Variants in PPP1R16B observed in about 807,000 individuals in gnomAD.
PPP1R16B encodes protein phosphatase 1 regulatory subunit 16B, also known as protein phosphatase 1 regulatory inhibitor subunit 16B.
Under a neutral mutation model 61.7 loss-of-function variants are expected in PPP1R16B, and 14 were observed. That is an observed-to-expected ratio of 0.23 (90% CI 0.15 to 0.35). The LOEUF (loss-of-function observed/expected upper bound fraction) is 0.35, where lower values mean the gene tolerates loss of function less well. PPP1R16B is among the 10% of genes least tolerant of loss of function. The pLI, the probability that PPP1R16B is intolerant of heterozygous loss-of-function variation, is 1.00. For missense variants in PPP1R16B, 547 were observed against 752.5 expected (o/e 0.73, Z 3.19); for synonymous variants, 266 against 305.3 (o/e 0.87, Z 1.34).
chr20:38,810,297 A>C (rs979354802), intron 1 of PPP1R16B, among the ~76,000 whole-genome samples: 2 of 152,242 alleles, frequency 1.3e-5, no homozygotes, highest in Non-Finnish European at 2.9e-5. Context: ...AGGCAGAAGC[A>C]AGGCCAGGGA....
chr20:38,813,963 C>CA (rs2084718845), intron 1 of PPP1R16B, among the ~76,000 whole-genome samples: 1 of 151,794 alleles, frequency 6.6e-6, no homozygotes, highest in Non-Finnish European at 1.5e-5. Flanking sequence ...CTCCTGGCTA[C>CA]ATTTTGTATT....
At chr20:38,854,304 T>G (rs1422811331) in intron 2 of PPP1R16B, among the ~76,000 whole-genome samples, 2 of 152,258 alleles carry the variant, frequency 1.3e-5, no homozygotes, top group Non-Finnish European at 2.9e-5. Context: ...ATGGCGCATA[T>G]GCTGATTTAA....
intron 2 of PPP1R16B, among the ~76,000 whole-genome samples, chr20:38,845,764 G>A (rs1005047741): frequency 2.6e-5 from 4 of 152,172 alleles, no homozygotes; most frequent in African/African-American, 9.7e-5. Context: ...ATTTGATTTC[G>A]ATGAAAAGCC....
At chr20:38,866,113 G>C (rs1487114180) in intron 2 of PPP1R16B, among the ~76,000 whole-genome samples, 1 of 151,750 alleles carries the variant, frequency 6.6e-6, no homozygotes, top group African/African-American at 2.4e-5. Flanking sequence ...GACAGAGTGA[G>C]ACTCTTGTCT....
chr20:38,909,891 T>C (rs916353596), intron 10 of PPP1R16B, among the ~76,000 whole-genome samples: 1 of 152,240 alleles, frequency 6.6e-6, no homozygotes, highest in Non-Finnish European at 1.5e-5. Flanking sequence ...TCAAATCACA[T>C]TTCAGATGTC....
chr20:38,893,884 C>T (rs1299506682), intron 3 of PPP1R16B, among the ~76,000 whole-genome samples: 1 of 152,116 alleles, frequency 6.6e-6, no homozygotes, highest in Non-Finnish European at 1.5e-5. Context: ...ATTTCTGGCC[C>T]TCTTGCCCCT....
At chr20:38,816,895 C>T (rs1176956910) in intron 1 of PPP1R16B, among the ~76,000 whole-genome samples, 2 of 152,226 alleles carry the variant, frequency 1.3e-5, no homozygotes, top group Admixed American at 6.5e-5. Context: ...CCACCCTCCT[C>T]CTCCCCCATT....
intron 10 of PPP1R16B, among the ~76,000 whole-genome samples, chr20:38,908,985 T>C (rs2085468172): frequency 6.6e-6 from 1 of 152,120 alleles, no homozygotes; most frequent in Admixed American, 6.5e-5. Context: ...GTGTGTCTGT[T>C]TTCTTTTTTT....
intron 2 of PPP1R16B, among the ~76,000 whole-genome samples, chr20:38,852,770 C>G (rs986663352): frequency 0.15 from 1,090 of 7,380 alleles, no homozygotes; most frequent in Non-Finnish European, 0.17. Flanking sequence ...TTTTTTTTTG[C>G]GGGGGGTGGG....
Position 38,848,411 on chromosome 20 carries a change from G to A in PPP1R16B, c.250+12236G>A, listed in dbSNP as rs142718677. 8.1e-3 allele frequency among the ~76,000 whole-genome samples: 1,235 copies of A among 152,292 alleles called. 4 individuals carry two copies. The highest frequency in any genetic ancestry group is 0.017 in the Middle Eastern group (5 of 294). ...ACCCTTGTACTCTAGAGCCTCATCT[G>A]TAATGAAGGGTAACTCTCCAACCTG... On this transcript the variant is annotated intron_variant, in intron 2 of 10. Coordinates refer to ENST00000299824, the MANE Select transcript of PPP1R16B (RefSeq NM_015568.4).
At chr20:38,864,989 A>C (rs2085080239) in intron 2 of PPP1R16B, among the ~76,000 whole-genome samples, 1 of 152,194 alleles carries the variant, frequency 6.6e-6, no homozygotes, top group African/African-American at 2.4e-5. Context: ...GCCTGGAATC[A>C]TGCCGGTGGC....
intron 10 of PPP1R16B, among the ~76,000 whole-genome samples, chr20:38,912,096 CTTTTT>C (rs35770847): frequency 1.6e-5 from 2 of 127,438 alleles, no homozygotes; most frequent in African/African-American, 3.0e-5. Context: ...TATAGTCAGT[CTTTTT>C]TTTTTTTTTT....
intron 2 of PPP1R16B, among the ~76,000 whole-genome samples, chr20:38,846,900 G>A (rs776326479): frequency 2.0e-5 from 3 of 152,164 alleles, no homozygotes; most frequent in South Asian, 4.1e-4. Flanking sequence ...AGCAACTTGC[G>A]GGGTGGAGGT....
chr20:38,866,070 G>A (rs558612517), intron 2 of PPP1R16B, among the ~76,000 whole-genome samples: 3 of 152,150 alleles, frequency 2.0e-5, no homozygotes, highest in East Asian at 3.9e-4. Flanking sequence ...GTTGCAGTAA[G>A]GTGAGATCAT....
Position 38,829,888 on chromosome 20 carries a change from C to T in PPP1R16B, c.-101-5937C>T, listed in dbSNP as rs367610073. The stretch of plus-strand genomic sequence containing the variant: ...AATCAAGAGGGAGCTGTCCTCGAGC[C>T]CCAGCTCCAAGGAACCCAGAGGGGC... On this transcript the variant is annotated intron_variant, in intron 1 of 10. Coordinates refer to ENST00000299824, the MANE Select transcript of PPP1R16B (RefSeq NM_015568.4). Among the ~76,000 whole-genome samples the T allele has an allele frequency of 5.4e-4, 83 of 152,350 alleles. 1 individual carries two copies. In the South Asian group the frequency reaches 0.015, roughly 28 times the overall value.
intron 2 of PPP1R16B, among the ~76,000 whole-genome samples, chr20:38,850,669 T>C (rs1256350785): frequency 1.3e-5 from 2 of 152,130 alleles, no homozygotes; most frequent in Non-Finnish European, 2.9e-5. Context: ...AAATCCCTGA[T>C]AAAAATGTTG....
intron 2 of PPP1R16B, among the ~76,000 whole-genome samples, chr20:38,855,363 A>C (rs1480644396): frequency 2.0e-5 from 3 of 151,960 alleles, no homozygotes; most frequent in Non-Finnish European, 4.4e-5. Context: ...TTATTAAAAA[A>C]AAAAAACAAA....
intron 2 of PPP1R16B, among the ~76,000 whole-genome samples, chr20:38,888,835 A>G (rs1042071794): frequency 6.8e-6 from 1 of 147,250 alleles, no homozygotes; most frequent in African/African-American, 2.5e-5. Context: ...CAGGCTGTCA[A>G]TGCTGTTCAC....
Position 38,918,702 on chromosome 20 carries a change from G to A in PPP1R16B, c.*36G>A. The A allele has an allele frequency of 1.3e-6, 2 of 1,488,308 alleles. No individual in the cohort carries two copies. The highest frequency in any genetic ancestry group is 2.8e-5 in the South Asian group (2 of 71,098). The allele number at this position is 1,488,308 out of a possible 1,614,324, so 92.2% of individuals were successfully genotyped here. On this transcript the variant is annotated 3_prime_UTR_variant, in exon 11 of 11. Transcript: ENST00000299824. This position sits in a 1 kb window ranked among gnomAD's most constrained non-coding sequence, Gnocchi z 5.3. The stretch of plus-strand genomic sequence containing the variant: ...ATGGAGGAGGGAGATGCCTGGGGAG[G>A]GGCTCCTGGAATCCAGGCCAGCCCA...
Sources: gnomAD v4.1 joint callset for allele counts (sites outside exome capture counted in the v4.1 genomes callset) on GRCh38, gnomAD v4.1.1 for gene constraint, Gnocchi (gnomAD v3.1) non-coding constraint, MANE v1.5 for transcripts, NCBI Gene and HGNC (gene_info 2026-07-23, HGNC 2026-07-21) for gene names.